The following TPD52 variants were observed in gnomAD, a reference collection of about 807,000 sequenced individuals.
TPD52 encodes tumor protein D52.
In TPD52, 17 loss-of-function variants were observed where a neutral mutation model predicts 31.3. That is an observed-to-expected ratio of 0.54 (90% confidence interval 0.37 to 0.82). TPD52 has a LOEUF of 0.82. TPD52 is among the 40% of genes least tolerant of loss of function. The probability of loss-of-function intolerance (pLI) is 0.00; values close to 1 mark genes in which losing one functional copy is unlikely to be tolerated. For synonymous variants in TPD52, 83 were observed against 89.6 expected, an observed-to-expected ratio of 0.93 and a Z score of 0.42; for missense variants, 212 against 240.1, an observed-to-expected ratio of 0.88 and a Z score of 0.77.
At chr8:80,042,708 C>A in intron 6 of TPD52, 40 bp from the exon 7 acceptor site, 1 of 1,565,928 alleles carries the variant, frequency 6.4e-7, no homozygotes, top group Non-Finnish European at 8.7e-7. Context: ...AATACAAATA[C>A]TGAAAAAAAA....
chr8:80,102,711 T>C (rs1000298569), intron 1 of TPD52, among the ~76,000 whole-genome samples: 4 of 152,106 alleles, frequency 2.6e-5, no homozygotes, highest in African/African-American at 9.7e-5. Flanking sequence ...ATTAATGAGA[T>C]AATTAGTAGC....
chr8:80,062,019 C>T (rs1046799656), intron 2 of TPD52, among the ~76,000 whole-genome samples: 19 of 152,128 alleles, frequency 1.2e-4, no homozygotes, highest in Non-Finnish European at 2.6e-4. Flanking sequence ...ATAAACTGAA[C>T]GCGAGCCCTA....
At chr8:80,146,242 G>A (rs1810186289) in intron 1 of TPD52, among the ~76,000 whole-genome samples, 1 of 152,176 alleles carries the variant, frequency 6.6e-6, no homozygotes, top group African/African-American at 2.4e-5. Flanking sequence ...AAATATACTT[G>A]GATGTATAGC....
intron 1 of TPD52, among the ~76,000 whole-genome samples, chr8:80,094,935 T>C (rs149205619): frequency 1.3e-5 from 2 of 152,054 alleles, no homozygotes; most frequent in East Asian, 1.9e-4. Context: ...CCTGGTTAGG[T>C]TGTCACAATA....
At chr8:80,067,825 C>T (rs536937408) in intron 1 of TPD52, among the ~76,000 whole-genome samples, 35 of 151,536 alleles carry the variant, frequency 2.3e-4, no homozygotes, top group African/African-American at 8.2e-4. Context: ...TTAATTCCAA[C>T]TAAAGTTTCC....
intron 1 of TPD52, among the ~76,000 whole-genome samples, chr8:80,147,014 G>A (rs975137525): frequency 2.0e-5 from 3 of 152,114 alleles, no homozygotes; most frequent in African/African-American, 7.2e-5. Context: ...CTGTGGGTGG[G>A]GTCAGCAGTC....
At chr8:80,100,976 G>A (rs1223957328) in intron 1 of TPD52, among the ~76,000 whole-genome samples, 1 of 152,204 alleles carries the variant, frequency 6.6e-6, no homozygotes, top group Non-Finnish European at 1.5e-5. Context: ...GCACAGTCAA[G>A]TCCACACATA....
chr8:80,044,328 T>G, intron 5 of TPD52, 120 bp from the exon 6 acceptor site: 1 of 753,608 alleles, frequency 1.3e-6, no homozygotes, highest in African/African-American at 1.9e-5. Context: ...CATGAAGAAT[T>G]ACCTACTTTT....
intron 1 of TPD52, among the ~76,000 whole-genome samples, chr8:80,070,147 C>T (rs1813612014): frequency 6.6e-6 from 1 of 152,122 alleles, no homozygotes; most frequent in Admixed American, 6.5e-5. Flanking sequence ...GTAGAACCTA[C>T]ACTTAAGCCA....
chr8:80,066,031 C>G (rs1158174759), intron 1 of TPD52, among the ~76,000 whole-genome samples: 2 of 151,692 alleles, frequency 1.3e-5, no homozygotes, highest in East Asian at 3.9e-4. Context: ...CAGTTGTTCC[C>G]TGCTACCCCC....
At chr8:80,048,837 G>A (rs1811107255) in intron 5 of TPD52, among the ~76,000 whole-genome samples, 1 of 152,090 alleles carries the variant, frequency 6.6e-6, no homozygotes, top group Admixed American at 6.5e-5. Flanking sequence ...CCTACATACT[G>A]ATGGGCAATT....
At chr8:80,152,158 C>G (rs1810612719) in intron 1 of TPD52, among the ~76,000 whole-genome samples, 1 of 133,450 alleles carries the variant, frequency 7.5e-6, no homozygotes. Context: ...GGGAGAAGAT[C>G]AGACCTGCCT....
chr8:80,087,144 T>G (rs571635191), intron 1 of TPD52, among the ~76,000 whole-genome samples: 2 of 151,876 alleles, frequency 1.3e-5, no homozygotes, highest in Non-Finnish European at 2.9e-5. Context: ...CCTTTTTTTT[T>G]CCCCCCATCA....
At chr8:80,131,465 T>C (rs896237504) in intron 1 of TPD52, among the ~76,000 whole-genome samples, 3 of 152,204 alleles carry the variant, frequency 2.0e-5, no homozygotes, top group African/African-American at 7.2e-5. Flanking sequence ...TGTATCCAGG[T>C]ATCTTCAAAA....
intron 1 of TPD52, among the ~76,000 whole-genome samples, chr8:80,105,180 T>C (rs576331536): frequency 5.9e-4 from 90 of 152,326 alleles, no homozygotes; most frequent in Non-Finnish European, 9.4e-4. Context: ...CACAGCTCAC[T>C]GTAGACTCAA....
intron 2 of TPD52, among the ~76,000 whole-genome samples, chr8:80,062,098 A>G (rs1399676264): frequency 6.6e-6 from 1 of 152,210 alleles, no homozygotes; most frequent in Non-Finnish European, 1.5e-5. Context: ...AATTGCAAGG[A>G]ACCTTGAATA....
At chr8:80,096,320 A>T (rs900832529) in intron 1 of TPD52, among the ~76,000 whole-genome samples, 9 of 150,072 alleles carry the variant, frequency 6.0e-5, no homozygotes, top group Admixed American at 5.3e-4. Context: ...ACACACACAA[A>T]CTTCTCCTAG....
chr8:80,127,337 A>T (rs902908821), intron 1 of TPD52, among the ~76,000 whole-genome samples: 6 of 152,172 alleles, frequency 3.9e-5, no homozygotes, highest in Non-Finnish European at 8.8e-5. Context: ...TTATAACTTC[A>T]CTTCGTTCAC....
chr8:80,153,503 G>GC (rs779056398), intron 1 of TPD52, among the ~76,000 whole-genome samples: 3 of 152,228 alleles, frequency 2.0e-5, no homozygotes, highest in South Asian at 4.1e-4. Context: ...ATCAACAAAA[G>GC]CAAGACTTTT....
Sources: gnomAD v4.1 joint callset for allele counts (sites outside exome capture counted in the v4.1 genomes callset) on GRCh38, gnomAD v4.1.1 for gene constraint, MANE v1.5 for transcripts, NCBI Gene and HGNC (gene_info 2026-07-23, HGNC 2026-07-21) for gene names.